Variants in DMD observed in about 807,000 individuals in gnomAD.
The protein encoded by DMD is mutant dystrophin.
A neutral mutation model predicts 330.1 loss-of-function variants in DMD; 63 were observed. That is an observed-to-expected ratio of 0.19 (90% CI 0.16 to 0.24). The LOEUF (loss-of-function observed/expected upper bound fraction) is 0.24. DMD is among the 10% of genes least tolerant of loss of function. DMD has a pLI of 1.00. For missense variants in DMD, 3,344 were observed against 2,684.1 expected (o/e 1.25, Z -5.43); for synonymous variants, 1,223 against 959.8 (o/e 1.27, Z -5.07).
At chrX:31,396,548 G>GT (rs56745544) in intron 60 of DMD, among the ~76,000 whole-genome samples, 971 of 65,897 alleles carry the variant, frequency 0.015, 4 homozygotes, top group Non-Finnish European at 0.02. Context: ...AAATCCCAGG[G>GT]TTTTTTTTTT....
At chrX:33,227,343 A>AT (rs2052309798) in intron 1 of DMD, among the ~76,000 whole-genome samples, 1 of 110,486 alleles carries the variant, frequency 9.1e-6, no homozygotes, top group South Asian at 3.8e-4. Flanking sequence ...TGTTAGAATT[A>AT]TTTTTTTACT....
At chrX:32,117,581 C>T (rs1029514971) in intron 44 of DMD, among the ~76,000 whole-genome samples, 2 of 111,851 alleles carry the variant, frequency 1.8e-5, no homozygotes, top group Non-Finnish European at 3.8e-5. Flanking sequence ...CCCCTTCCAA[C>T]CTCTTCGAGC....
chrX:31,921,355 T>C (rs989124829), intron 47 of DMD, among the ~76,000 whole-genome samples: 30 of 111,965 alleles, frequency 2.7e-4, no homozygotes, highest in African/African-American at 9.4e-4. Context: ...TGCTAGTTGG[T>C]CATAGAAAAT....
intron 55 of DMD, among the ~76,000 whole-genome samples, chrX:31,568,306 A>T (rs1222964461): frequency 1.8e-5 from 2 of 111,117 alleles, no homozygotes; most frequent in Admixed American, 1.9e-4. Context: ...AGTTCTCTTT[A>T]CCCTTGCTTA....
At chrX:32,503,824 G>A (rs936110641) in intron 18 of DMD, among the ~76,000 whole-genome samples, 2 of 111,580 alleles carry the variant, frequency 1.8e-5, no homozygotes, top group East Asian at 5.7e-4. Context: ...GGTGGGGCGG[G>A]GGGATTACAG....
At chrX:32,583,338 A>G (rs2053870875) in intron 13 of DMD, among the ~76,000 whole-genome samples, 1 of 110,863 alleles carries the variant, frequency 9.0e-6, no homozygotes, top group South Asian at 3.8e-4. Context: ...TCTACTCAAA[A>G]TACAAAAAAA....
At chrX:33,199,477 G>C (rs748197239) in intron 1 of DMD, among the ~76,000 whole-genome samples, 1 of 111,005 alleles carries the variant, frequency 9.0e-6, no homozygotes, top group Non-Finnish European at 1.9e-5. Flanking sequence ...GGTTTTGTGC[G>C]GTGAAGAGAA....
Position 32,448,545 on chromosome X carries a change from G to T in DMD, c.3697C>A (p.Gln1233Lys). The change falls in exon 27 of 79, where the codon CAA (glutamine) becomes AAA (lysine). Residue 1233 changes from glutamine (Q) to lysine (K), a missense_variant. Physicochemically the swap from Gln to Lys is moderately conservative, Grantham distance 53. Transcript: ENST00000357033. ...TCAAGTTCCTTTTTTAAGGCCTCTT[G>T]TGCTACAGGTGGAGCTTGAGCTATG... Reference protein sequence around the residue: ...SVIAQAPPVAQEALKKELETL... With the variant: ...SVIAQAPPVAKEALKKELETL... 1.7e-6 allele frequency: 2 copies of T among 1,208,385 alleles called. No homozygotes were observed. The highest frequency in any genetic ancestry group is 2.2e-6 in the Non-Finnish European group (2 of 893,102).
At chrX:32,199,690 T>G (rs1423606342) in intron 44 of DMD, among the ~76,000 whole-genome samples, 2 of 109,055 alleles carry the variant, frequency 1.8e-5, no homozygotes, top group Non-Finnish European at 3.8e-5. Flanking sequence ...CTCAGCTCAC[T>G]GCAACCTCTG....
At chrX:32,155,485 C>T in intron 44 of DMD, 1 of 732,863 alleles carries the variant, frequency 1.4e-6, no homozygotes, top group Non-Finnish European at 1.6e-6. Context: ...GAAAGAGCTG[C>T]TGGGATGCTG....
intron 63 of DMD, among the ~76,000 whole-genome samples, chrX:31,231,685 C>T (rs1292924977): frequency 8.9e-6 from 1 of 112,270 alleles, no homozygotes; most frequent in Non-Finnish European, 1.9e-5. Context: ...TCGAGACCAC[C>T]TGGGCCAACA....
chrX:32,641,263 C>G (rs1166223424), intron 11 of DMD, among the ~76,000 whole-genome samples: 2 of 109,560 alleles, frequency 1.8e-5, no homozygotes, highest in African/African-American at 6.6e-5. Context: ...TTTTTCTTGG[C>G]TGCCAGCCTC....
intron 62 of DMD, among the ~76,000 whole-genome samples, chrX:31,312,662 G>A (rs1569524122): frequency 8.9e-6 from 1 of 112,560 alleles, no homozygotes; most frequent in Admixed American, 9.4e-5. Flanking sequence ...GCATATGTAT[G>A]TTTATTGCAG....
chrX:31,529,237 T>C lies in DMD; in HGVS notation c.8218-21784A>G, dbSNP rs767568757. 1.7e-4 allele frequency among the ~76,000 whole-genome samples: 18 copies of C among 104,816 alleles called. No homozygotes were observed. The South Asian group carries it at 7.9e-3, about 46-fold the overall frequency. 91.0% of individuals were successfully genotyped at this position (104,816 alleles called of 115,157 possible). ...ACTCCATTTCAAAAAAAAAAAAAAT[T>C]AGGTGGGCATAGTGGTGCACAGCTA... On this transcript the variant is annotated intron_variant, in intron 55 of 78. Coordinates refer to ENST00000357033, the MANE Select transcript of DMD (RefSeq NM_004006.3).
intron 1 of DMD, among the ~76,000 whole-genome samples, chrX:33,136,051 A>G (rs1161725223): frequency 9.0e-6 from 1 of 111,252 alleles, no homozygotes; most frequent in Admixed American, 9.6e-5. Context: ...TTGGTGGCTC[A>G]TGCCTGTAAT....
At chrX:32,416,466 G>T (rs1347653931) in intron 29 of DMD, among the ~76,000 whole-genome samples, 1 of 111,819 alleles carries the variant, frequency 8.9e-6, no homozygotes, top group Admixed American at 9.5e-5. Context: ...ATTTTCTTCT[G>T]AGTAAAGAAG....
intron 60 of DMD, among the ~76,000 whole-genome samples, chrX:31,355,736 A>G (rs920789358): frequency 4.5e-5 from 5 of 111,178 alleles, no homozygotes; most frequent in Non-Finnish European, 9.4e-5. Flanking sequence ...TACGTGCCCA[A>G]ACATTATCCG....
chrX:32,296,660 T>C (rs1179730485), intron 42 of DMD, among the ~76,000 whole-genome samples: 6 of 111,668 alleles, frequency 5.4e-5, no homozygotes, highest in African/African-American at 2.0e-4. Context: ...TGTTTAACAG[T>C]TTTTCCTCAG....
At chrX:31,463,603 T>G (rs2066668619) in intron 59 of DMD, among the ~76,000 whole-genome samples, 1 of 112,027 alleles carries the variant, frequency 8.9e-6, no homozygotes, top group African/African-American at 3.2e-5. Context: ...ACTTTATTCT[T>G]GTCACAACTT....
Sources: allele counts gnomAD v4.1 joint callset (sites outside exome capture counted in the v4.1 genomes callset), GRCh38; gene constraint gnomAD v4.1.1; transcripts MANE v1.5; gene names NCBI Gene and HGNC (gene_info 2026-07-23, HGNC 2026-07-21).